The following EIF3H variants were observed in gnomAD, a reference collection of about 807,000 sequenced individuals.
EIF3H encodes the protein eIF-3-gamma.
Under a neutral mutation model 44.2 loss-of-function variants are expected in EIF3H, and 26 were observed. The ratio of observed to expected loss-of-function variants is 0.59; its 90% CI spans 0.43 to 0.82. The LOEUF is 0.82. EIF3H is among the 40% of genes least tolerant of loss of function. EIF3H has a pLI of 0.00. For synonymous variants in EIF3H, 166 were observed against 151.9 expected (o/e 1.09, Z -0.68); for missense variants, 359 against 432.8 (o/e 0.83, Z 1.51).
chr8:116,739,372 C>T (rs894374329), intron 1 of EIF3H, among the ~76,000 whole-genome samples: 27 of 152,226 alleles, frequency 1.8e-4, no homozygotes, highest in African/African-American at 5.8e-4. Context: ...ATGTGGCGGC[C>T]GGGCGCCATG....
chr8:116,695,447 G>A (rs1814253885), intron 2 of EIF3H, among the ~76,000 whole-genome samples: 1 of 152,170 alleles, frequency 6.6e-6, no homozygotes, highest in Admixed American at 6.6e-5. Context: ...CTTGGTGGGA[G>A]AAGAAAATGC....
chr8:116,692,558 T>C (rs1814196677), intron 2 of EIF3H, among the ~76,000 whole-genome samples: 1 of 152,192 alleles, frequency 6.6e-6, no homozygotes. Flanking sequence ...GAGAGTGCTT[T>C]CATACGATAA....
At chr8:116,653,408 T>C (rs1238646039) in intron 5 of EIF3H, among the ~76,000 whole-genome samples, 1 of 140,582 alleles carries the variant, frequency 7.1e-6, no homozygotes, top group Admixed American at 7.3e-5. Context: ...GCATCAGAAA[T>C]TAACAATGAC....
chr8:116,679,184 C>T lies in EIF3H; in HGVS notation c.290-20204G>A, dbSNP rs1586450701. Among the ~76,000 whole-genome samples, 16 of 77,684 alleles carry T rather than the reference C, an allele frequency of 2.1e-4. No homozygotes were observed. The South Asian group carries it at 6.5e-3, about 32-fold the overall frequency. 51.0% of individuals were successfully genotyped at this position (77,684 alleles called of 152,430 possible). Reference sequence around the variant, plus strand: ...AGGGAGGTGGTGGGGGTCAGCCCCCCGCCCGGCCAGCCGCCCCGTCCGGGA... The same window carrying T: ...AGGGAGGTGGTGGGGGTCAGCCCCCTGCCCGGCCAGCCGCCCCGTCCGGGA... On this transcript the variant is annotated intron_variant, in intron 2 of 7. Transcript: ENST00000521861.
upstream of EIF3H, among the ~76,000 whole-genome samples, chr8:116,756,851 G>T (rs1815457855): frequency 6.6e-6 from 1 of 152,152 alleles, no homozygotes; most frequent in Non-Finnish European, 1.5e-5. Flanking sequence ...AAATTTAGAG[G>T]TTTTAAAGGT....
At chr8:116,721,245 G>T (rs982681273) in intron 2 of EIF3H, among the ~76,000 whole-genome samples, 1 of 152,196 alleles carries the variant, frequency 6.6e-6, no homozygotes, top group African/African-American at 2.4e-5. Flanking sequence ...GGTTTCAGAG[G>T]GCGCAAGTCC....
At chr8:116,705,439 C>G (rs1368748198) in intron 2 of EIF3H, among the ~76,000 whole-genome samples, 1 of 151,668 alleles carries the variant, frequency 6.6e-6, no homozygotes, top group Non-Finnish European at 1.5e-5. Flanking sequence ...ACTACCTTCA[C>G]CAAGTGACCA....
chr8:116,689,281 G>T, intron 2 of EIF3H: 1 of 284,560 alleles, frequency 3.5e-6, no homozygotes, highest in South Asian at 2.9e-5. Context: ...GGGAAGGAAG[G>T]GTGATGGGGT....
intron 2 of EIF3H, 100 bp from the exon 3 acceptor site, chr8:116,659,080 T>C: frequency 1.0e-6 from 1 of 969,512 alleles, no homozygotes; most frequent in African/African-American, 1.7e-5. Context: ...ACATAACAAT[T>C]TATTAGCAAT....
intron 5 of EIF3H, among the ~76,000 whole-genome samples, chr8:116,650,893 G>T (rs1442515878): frequency 1.3e-5 from 2 of 152,112 alleles, no homozygotes; most frequent in African/African-American, 4.8e-5. Flanking sequence ...GCTTCCCAAA[G>T]TGTTGGGATT....
intron 5 of EIF3H, among the ~76,000 whole-genome samples, chr8:116,650,716 G>A: frequency 6.6e-6 from 1 of 152,182 alleles, no homozygotes; most frequent in East Asian, 1.9e-4. Flanking sequence ...CCAGGCTGGT[G>A]CAGTGGGGCG....
At chr8:116,720,323 A>C (rs1441524253) in intron 2 of EIF3H, among the ~76,000 whole-genome samples, 1 of 152,230 alleles carries the variant, frequency 6.6e-6, no homozygotes, top group Admixed American at 6.5e-5. Context: ...AAAAAATATT[A>C]AATGTTTTCA....
chr8:116,743,513 G>A (rs1815164208), intron 1 of EIF3H, among the ~76,000 whole-genome samples: 1 of 151,640 alleles, frequency 6.6e-6, no homozygotes, highest in Non-Finnish European at 1.5e-5. Context: ...GGAGGCTGAG[G>A]CAGGCGGATC....
Position 116,658,815 on chromosome 8 carries a change from T to C in EIF3H, c.455A>G (p.Tyr152Cys). Reference sequence around the variant, plus strand: ...AGAATAATAAACCTCCTACTAACCATAAATGAGAACGACAGATTCTTCAAT... The same window carrying C: ...AGAATAATAAACCTCCTACTAACCACAAATGAGAACGACAGATTCTTCAAT... ...HAIEESVVLI[Y>C]DPIKTAQGSL... The change falls in exon 3 of 8, where the codon TAT becomes TGT. Residue 152 changes from tyrosine to cysteine, a missense_variant and splice_region_variant. Transcript: ENST00000521861. 1.2e-6 allele frequency: 2 copies of C among 1,610,272 alleles called. No individual in the cohort carries two copies. The highest frequency in any genetic ancestry group is 1.7e-6 in the Non-Finnish European group (2 of 1,178,870).
intron 3 of EIF3H, 50 bp from the exon 4 acceptor site, chr8:116,657,364 G>A (rs1303659371): frequency 2.9e-6 from 4 of 1,361,108 alleles, no homozygotes; most frequent in Non-Finnish European, 4.2e-6. Flanking sequence ...TCACTGCCAG[G>A]CTTGAATGGC....
intron 2 of EIF3H, among the ~76,000 whole-genome samples, chr8:116,672,996 T>C (rs1813782751): frequency 6.9e-6 from 1 of 144,838 alleles, no homozygotes; most frequent in Admixed American, 6.8e-5. Flanking sequence ...ACTTAAAGTT[T>C]TAATAAAATT....
chr8:116,745,404 T>A (rs923157849), intron 1 of EIF3H, among the ~76,000 whole-genome samples: 1 of 152,236 alleles, frequency 6.6e-6, no homozygotes, highest in Non-Finnish European at 1.5e-5. Flanking sequence ...ACTGATTTAT[T>A]AAGTCATCTC....
At chr8:116,676,864 T>C (rs1022863437) in intron 2 of EIF3H, among the ~76,000 whole-genome samples, 1 of 152,190 alleles carries the variant, frequency 6.6e-6, no homozygotes, top group Non-Finnish European at 1.5e-5. Context: ...TCTTGTTTTG[T>C]CTACATTTTC....
intron 2 of EIF3H, among the ~76,000 whole-genome samples, chr8:116,712,224 T>C (rs1814584784): frequency 6.6e-6 from 1 of 152,190 alleles, no homozygotes; most frequent in Non-Finnish European, 1.5e-5. Flanking sequence ...ATGCTGGTTG[T>C]GAGGTTAGTA....
Sources: gnomAD v4.1 joint callset for allele counts (sites outside exome capture counted in the v4.1 genomes callset) on GRCh38, gnomAD v4.1.1 for gene constraint, MANE v1.5 for transcripts, NCBI Gene and HGNC (gene_info 2026-07-23, HGNC 2026-07-21) for gene names.